The following RBMS3 variants were observed in gnomAD, a reference collection of about 807,000 sequenced individuals.
RBMS3 encodes the protein RNA-binding motif, single-stranded-interacting protein 3.
Under a neutral mutation model 66.8 loss-of-function variants are expected in RBMS3, and 27 were observed. That is an observed-to-expected ratio of 0.40 (90% CI 0.30 to 0.56). RBMS3 has a LOEUF of 0.56. RBMS3 is among the 20% of genes least tolerant of loss of function. The pLI is 0.40. For missense variants in RBMS3, 513 were observed against 549.5 expected (o/e 0.93, Z 0.66); for synonymous variants, 188 against 183.0 (o/e 1.03, Z -0.22).
chr3:29,639,924 A>G (rs1401048083), intron 4 of RBMS3, among the ~76,000 whole-genome samples: 2 of 151,856 alleles, frequency 1.3e-5, no homozygotes, highest in East Asian at 3.9e-4. Context: ...TGACGGGGAG[A>G]TATAAAAAAA....
intron 4 of RBMS3, among the ~76,000 whole-genome samples, chr3:29,680,444 T>G (rs1459061379): frequency 2.0e-5 from 3 of 152,174 alleles, no homozygotes; most frequent in Non-Finnish European, 4.4e-5. Flanking sequence ...TAACGCTTCT[T>G]TATGAAAAAG....
At chr3:29,366,918 T>C (rs1193823127) in intron 1 of RBMS3, among the ~76,000 whole-genome samples, 1 of 152,148 alleles carries the variant, frequency 6.6e-6, no homozygotes, top group Non-Finnish European at 1.5e-5. Flanking sequence ...AGCATTTTGG[T>C]CCTTGATCAA....
intron 1 of RBMS3, among the ~76,000 whole-genome samples, chr3:29,337,843 A>G (rs756359641): frequency 2.4e-4 from 37 of 152,202 alleles, no homozygotes; most frequent in Non-Finnish European, 5.0e-4. Context: ...GTTAGGGGAC[A>G]TGTTTGATAA....
chr3:30,002,954 T>G (rs1699676746), intron 14 of RBMS3, among the ~76,000 whole-genome samples: 2 of 152,020 alleles, frequency 1.3e-5, no homozygotes, highest in African/African-American at 4.8e-5. Flanking sequence ...AAACTATACA[T>G]AGTAACACTG....
intron 3 of RBMS3, among the ~76,000 whole-genome samples, chr3:29,576,131 T>C (rs13315315): frequency 0.063 from 9,633 of 152,154 alleles, 594 homozygotes; most frequent in East Asian, 0.31. Context: ...TGGGCTTGTT[T>C]GTGCCCATCC....
intron 2 of RBMS3, among the ~76,000 whole-genome samples, chr3:29,461,914 C>T (rs921189299): frequency 2.4e-4 from 34 of 141,818 alleles, no homozygotes; most frequent in Non-Finnish European, 3.2e-4. Context: ...CCACCATGCC[C>T]GGCTAATTTT....
chr3:29,734,889 T>C (rs745699103), intron 4 of RBMS3, among the ~76,000 whole-genome samples: 2 of 152,160 alleles, frequency 1.3e-5, no homozygotes, highest in Non-Finnish European at 2.9e-5. Flanking sequence ...ACAAATATAT[T>C]GATCCATGGC....
At chr3:29,566,170 C>T (rs577124504) in intron 3 of RBMS3, among the ~76,000 whole-genome samples, 1 of 152,116 alleles carries the variant, frequency 6.6e-6, no homozygotes, top group Non-Finnish European at 1.5e-5. Context: ...TCTCTATGAT[C>T]TTGGCACTTA....
intron 10 of RBMS3, among the ~76,000 whole-genome samples, chr3:29,901,613 CTG>C (rs1179644210): frequency 6.6e-6 from 1 of 151,652 alleles, no homozygotes; most frequent in African/African-American, 2.4e-5. Context: ...TGTATTATTT[CTG>C]TGTGTGTATT....
intron 3 of RBMS3, among the ~76,000 whole-genome samples, chr3:29,515,319 G>A (rs1030581110): frequency 1.3e-5 from 2 of 152,218 alleles, no homozygotes; most frequent in African/African-American, 2.4e-5. Context: ...TCAAAGTGCA[G>A]TGCTTGCATA....
chr3:29,479,358 G>A (rs575500711), intron 2 of RBMS3, among the ~76,000 whole-genome samples: 2 of 150,730 alleles, frequency 1.3e-5, no homozygotes, highest in South Asian at 2.1e-4. Context: ...ATCATTAGTG[G>A]GTGTTTCTGA....
chr3:29,406,678 T>TA (rs1274061483), intron 1 of RBMS3, among the ~76,000 whole-genome samples: 5 of 152,186 alleles, frequency 3.3e-5, no homozygotes, highest in African/African-American at 1.2e-4. Flanking sequence ...AACCCTAAGC[T>TA]AAACCCTGAA....
intron 3 of RBMS3, among the ~76,000 whole-genome samples, chr3:29,503,840 C>T (rs1408829227): frequency 6.6e-6 from 1 of 152,118 alleles, no homozygotes; most frequent in African/African-American, 2.4e-5. Context: ...TGTGGCATGG[C>T]ATCCCTGTTC....
chr3:29,988,951 G>C (rs936142959), intron 13 of RBMS3, among the ~76,000 whole-genome samples: 2 of 152,116 alleles, frequency 1.3e-5, no homozygotes, highest in Admixed American at 6.6e-5. Flanking sequence ...ATTATTTTGA[G>C]AGCTTTAAAA....
intron 6 of RBMS3, among the ~76,000 whole-genome samples, chr3:29,855,497 G>GA (rs1233873021): frequency 1.3e-5 from 2 of 152,224 alleles, no homozygotes; most frequent in South Asian, 2.1e-4. Flanking sequence ...GTAAAAAAAT[G>GA]AATATGCTGC....
rs141879839 is a variant in RBMS3 at position 29,398,411 on chromosome 3, A to G, written c.76-36332A>G. Among the ~76,000 whole-genome samples, 348 of 152,314 alleles carry G rather than the reference A, an allele frequency of 2.3e-3. 1 individual carries two copies. The East Asian group carries it at 0.023, about 10-fold the overall frequency. On this transcript the variant is annotated intron_variant, in intron 1 of 14. Coordinates refer to ENST00000383767, the MANE Select transcript of RBMS3 (RefSeq NM_001003793.3). ...TTCCTCTCCCTTTTTCTCTCTGGTC[A>G]TCAGGAAGGTCTCAAGGACAAGTGT...
intron 3 of RBMS3, among the ~76,000 whole-genome samples, chr3:29,543,725 A>G (rs917203427): frequency 9.8e-5 from 15 of 152,306 alleles, no homozygotes; most frequent in African/African-American, 3.4e-4. Flanking sequence ...ATAAAAAATA[A>G]AAAAGTAAAT....
At position 30,007,101 on chromosome 3, in the gene RBMS3, T is replaced by C. The variant is rs115859586; in HGVS notation, c.*3239T>C. 5.7e-4 allele frequency: 87 copies of C among 152,102 alleles called. 1 individual carries two copies. The highest frequency in any genetic ancestry group is 2.0e-3 in the African/African-American group (85 of 41,520). The allele number at this position is 152,102 out of a possible 1,614,324, so 9.4% of individuals were successfully genotyped here. ...ATTTGCCCTGCTTTGTCTGTTGTCT[T>C]ACCTAAGACTTGTTTTGAAGAGCCA... On this transcript the variant is annotated 3_prime_UTR_variant, in exon 15 of 15. Transcript: ENST00000383767.
At chr3:29,641,487 C>T (rs2049710020) in intron 4 of RBMS3, among the ~76,000 whole-genome samples, 1 of 151,986 alleles carries the variant, frequency 6.6e-6, no homozygotes. Context: ...ATATTTCATA[C>T]ACGTTTTAAT....
Sources: gnomAD v4.1 joint callset for allele counts (sites outside exome capture counted in the v4.1 genomes callset) on GRCh38, gnomAD v4.1.1 for gene constraint, MANE v1.5 for transcripts, NCBI Gene and HGNC (gene_info 2026-07-23, HGNC 2026-07-21) for gene names.